Variants in ATP2B2 observed in about 807,000 individuals in gnomAD.
The protein encoded by ATP2B2 is ATPase plasma membrane Ca2+ transporting 2.
ATP2B2 carries 15 observed loss-of-function variants against 120.0 expected under a neutral mutation model. That is an observed-to-expected ratio of 0.12 (90% confidence interval 0.08 to 0.19). The LOEUF is 0.19. ATP2B2 is among the 10% of genes least tolerant of loss of function. The pLI is 1.00. For synonymous variants in ATP2B2, 694 were observed against 700.3 expected (o/e 0.99, Z 0.14); for missense variants, 1,045 against 1,719.8 (o/e 0.61, Z 6.94).
At chr3:10,341,863 A>G (rs2060288605) in intron 19 of ATP2B2, among the ~76,000 whole-genome samples, 1 of 151,850 alleles carries the variant, frequency 6.6e-6, no homozygotes, top group African/African-American at 2.4e-5. Context: ...ATGTGTCCTG[A>G]CAACACACTA....
At chr3:10,457,404 A>G (rs1188947285) in intron 1 of ATP2B2, among the ~76,000 whole-genome samples, 1 of 152,106 alleles carries the variant, frequency 6.6e-6, no homozygotes, top group Non-Finnish European at 1.5e-5. Context: ...AAGTGTGCAA[A>G]TGCTGGTCTT....
chr3:10,366,584 G>A (rs1197959624), intron 12 of ATP2B2, among the ~76,000 whole-genome samples: 1 of 152,214 alleles, frequency 6.6e-6, no homozygotes, highest in Non-Finnish European at 1.5e-5. Context: ...AATGTCAACT[G>A]CAGTATCAAC....
Position 10,402,266 on chromosome 3 carries a change from T to C in ATP2B2, c.480A>G (p.Ser160=). 1.2e-6 allele frequency: 2 copies of C among 1,614,020 alleles called. No homozygotes were observed. The highest frequency in any genetic ancestry group is 2.7e-5 in the African/African-American group (2 of 75,016). Residue 160 remains serine, a synonymous_variant, in exon 4 of 23, where the codon TCA becomes TCG. Coordinates refer to ENST00000360273, the MANE Select transcript of ATP2B2 (RefSeq NM_001001331.4). The surrounding 1 kb of genome is among the most constrained non-coding windows in gnomAD (Gnocchi z 4.9). ...GWIEGAAILL[S]VICVVLVTAF... ...CCGTGACCAGGACCACACAGATAACTGAGAGGAGAATGGCGGCCCCCTCGA... is the reference window on the plus strand; with the variant it reads ...CCGTGACCAGGACCACACAGATAACCGAGAGGAGAATGGCGGCCCCCTCGA...
intron 2 of ATP2B2, among the ~76,000 whole-genome samples, chr3:10,436,593 TTTAC>T (rs1356688772): frequency 6.6e-6 from 1 of 152,234 alleles, no homozygotes; most frequent in African/African-American, 2.4e-5. Flanking sequence ...CAAAGGGACA[TTTAC>T]TTAGTGAGTC....
chr3:10,631,317 T>C (rs370597919), intron 1 of ATP2B2, among the ~76,000 whole-genome samples: 152 of 152,320 alleles, frequency 1.0e-3, no homozygotes, highest in African/African-American at 3.4e-3. Flanking sequence ...CTGAACTACA[T>C]GTTGGTTTGT....
At chr3:10,559,842 T>C (rs548793540) in intron 2 of ATP2B2, among the ~76,000 whole-genome samples, 1 of 152,268 alleles carries the variant, frequency 6.6e-6, no homozygotes, top group South Asian at 2.1e-4. Context: ...GTCCCGGGTA[T>C]TCCATTTCCA....
chr3:10,478,733 C>T (rs188406784), intron 1 of ATP2B2, among the ~76,000 whole-genome samples: 108 of 152,324 alleles, frequency 7.1e-4, no homozygotes, highest in African/African-American at 2.6e-3. Flanking sequence ...CCCTGCACAG[C>T]CCATGTCCTT....
At chr3:10,666,906 T>C (rs1475650020) in intron 1 of ATP2B2, among the ~76,000 whole-genome samples, 1 of 152,204 alleles carries the variant, frequency 6.6e-6, no homozygotes, top group Non-Finnish European at 1.5e-5. Flanking sequence ...TCTCTGAGTT[T>C]TAAAATTCCA....
intron 6 of ATP2B2, chr3:10,387,977 G>A: frequency 2.5e-6 from 1 of 407,768 alleles, no homozygotes; most frequent in Non-Finnish European, 4.6e-6. Flanking sequence ...GATGCTGGCT[G>A]TTTCCACCAC....
intron 5 of ATP2B2, among the ~76,000 whole-genome samples, chr3:10,395,640 T>C (rs1409724375): frequency 4.6e-5 from 7 of 152,336 alleles, no homozygotes; most frequent in African/African-American, 2.4e-5. Context: ...TATCTTAAAA[T>C]ACAAAGCTAA....
rs376776252 is a variant in ATP2B2, at chr3:10,579,606, C to T, written c.-415+40311G>A. On this transcript the variant is annotated intron_variant, in intron 2 of 21. Transcript: ENST00000646379. ...GGCAGAGCACCTGAGGTCAGGAGTTCGAGACCAGCCTGGCCAAAATGGCAA... is the reference window on the plus strand; with the variant it reads ...GGCAGAGCACCTGAGGTCAGGAGTTTGAGACCAGCCTGGCCAAAATGGCAA... 6.6e-5 allele frequency among the ~76,000 whole-genome samples: 10 copies of T among 152,188 alleles called. No homozygotes were observed. In the East Asian group the frequency reaches 9.7e-4, roughly 15 times the overall value.
intron 2 of ATP2B2, among the ~76,000 whole-genome samples, chr3:10,441,394 C>G (rs149034558): frequency 1.0e-3 from 155 of 152,304 alleles, no homozygotes; most frequent in African/African-American, 3.6e-3. Context: ...CGTGCGCCAT[C>G]ACACCCAGCT....
chr3:10,511,997 T>C (rs973031240), intron 3 of ATP2B2, among the ~76,000 whole-genome samples: 7 of 152,146 alleles, frequency 4.6e-5, no homozygotes, highest in Admixed American at 3.3e-4. Context: ...GAAAGGGAAC[T>C]TGACATTTGC....
intron 2 of ATP2B2, among the ~76,000 whole-genome samples, chr3:10,560,489 GC>G (rs1304958770): frequency 6.6e-6 from 1 of 152,022 alleles, no homozygotes; most frequent in Non-Finnish European, 1.5e-5. Context: ...CCCCAGCTGA[GC>G]CCCATCTTTC....
At chr3:10,482,108 C>A (rs1205711858) in intron 1 of ATP2B2, among the ~76,000 whole-genome samples, 2 of 152,168 alleles carry the variant, frequency 1.3e-5, no homozygotes, top group Admixed American at 6.5e-5. Context: ...ATCCCACTGC[C>A]CAGCTCAGTG....
intron 1 of ATP2B2, among the ~76,000 whole-genome samples, chr3:10,452,077 G>A (rs1048954596): frequency 6.6e-6 from 1 of 152,264 alleles, no homozygotes; most frequent in Admixed American, 6.5e-5. Context: ...GTGCAACACT[G>A]TGAAGTGGAT....
chr3:10,639,779 G>A (rs1023133891), intron 1 of ATP2B2, among the ~76,000 whole-genome samples: 2 of 152,194 alleles, frequency 1.3e-5, no homozygotes, highest in East Asian at 3.9e-4. Context: ...AATCAGAAAG[G>A]GGGTGAGGAA....
chr3:10,330,899 C>A (rs1343697334), intron 22 of ATP2B2, among the ~76,000 whole-genome samples: 8 of 152,222 alleles, frequency 5.3e-5, no homozygotes, highest in Non-Finnish European at 1.0e-4. Context: ...TTAGAGTGCA[C>A]AGAGAAGAAT....
intron 3 of ATP2B2, among the ~76,000 whole-genome samples, chr3:10,407,814 C>T (rs2062468921): frequency 6.6e-6 from 1 of 152,222 alleles, no homozygotes; most frequent in South Asian, 2.1e-4. Context: ...TTGCTCAGGG[C>T]TCCATGATAA....
Sources: gnomAD v4.1 joint callset for allele counts (sites outside exome capture counted in the v4.1 genomes callset) on GRCh38, gnomAD v4.1.1 for gene constraint, Gnocchi (gnomAD v3.1) non-coding constraint, MANE v1.5 for transcripts, NCBI Gene and HGNC (gene_info 2026-07-23, HGNC 2026-07-21) for gene names.